CCZ1: variants seen among roughly 807,000 people sequenced by gnomAD.
CCZ1 encodes CCZ1 vacuolar protein trafficking and biogenesis associated.
A neutral mutation model predicts 57.8 loss-of-function variants in CCZ1; 19 were observed. That is an observed-to-expected ratio of 0.33 (90% CI 0.23 to 0.48). The LOEUF (loss-of-function observed/expected upper bound fraction) is 0.48. CCZ1 is among the 20% of genes least tolerant of loss of function. The pLI is 0.99. For missense variants in CCZ1, 200 were observed against 492.0 expected (o/e 0.41, Z 5.61); for synonymous variants, 81 against 167.0 (o/e 0.49, Z 3.97).
chr7:5,901,722 T>C lies in CCZ1; in HGVS notation c.438+18T>C, dbSNP rs375548886. ...TGTACAAGGTAAGCGTGGCGTTCTT[T>C]CTCAACTCAGAGTCCAGCCACTTAC... On this transcript the variant is annotated intron_variant, in intron 5 of 14. Coordinates refer to ENST00000325974, the MANE Select transcript of CCZ1 (RefSeq NM_015622.6). 2.3e-5 allele frequency: 37 copies of C among 1,598,146 alleles called. 3 individuals are homozygous for C. The African/African-American group carries it at 3.4e-4, about 15-fold the overall frequency.
At chr7:5,907,422 C>T (rs1781857310) in intron 7 of CCZ1, among the ~76,000 whole-genome samples, 1 of 149,092 alleles carries the variant, frequency 6.7e-6, no homozygotes, top group African/African-American at 2.5e-5. Context: ...AGCCAGAATC[C>T]AGCAGTAGTG....
intron 9 of CCZ1, among the ~76,000 whole-genome samples, chr7:5,912,378 T>G (rs1277077988): frequency 1.9e-4 from 1 of 5,130 alleles, no homozygotes; most frequent in East Asian, 0.05. Context: ...CAGCATACCC[T>G]TTTTTTTTTT....
intron 9 of CCZ1, 71 bp from the exon 10 acceptor site, chr7:5,912,772 G>A (rs1441589599): frequency 9.1e-7 from 1 of 1,099,002 alleles, no homozygotes; most frequent in Non-Finnish European, 1.4e-6. Context: ...AAGTGGGAGT[G>A]TGTTCTGTTT....
chr7:5,923,059 C>T (rs1422708070), intron 12 of CCZ1, among the ~76,000 whole-genome samples: 6 of 128,344 alleles, frequency 4.7e-5, no homozygotes, highest in East Asian at 2.3e-4. Context: ...GGGCTCACGC[C>T]TGTAATCCCT....
chr7:5,907,614 G>A (rs997389476), intron 7 of CCZ1, among the ~76,000 whole-genome samples: 5 of 145,962 alleles, frequency 3.4e-5, no homozygotes, highest in Non-Finnish European at 7.4e-5. Context: ...AGCAGGGTTG[G>A]CCCTTTGAAG....
At chr7:5,919,179 G>GT in intron 11 of CCZ1, 1 of 486,798 alleles carries the variant, frequency 2.1e-6, no homozygotes, top group South Asian at 2.2e-5. Context: ...GTTTAGACAG[G>GT]GTCTCACTAT....
intron 14 of CCZ1, among the ~76,000 whole-genome samples, chr7:5,924,501 T>C (rs1408317971): frequency 1.0e-5 from 1 of 100,232 alleles, no homozygotes; most frequent in East Asian, 2.2e-4. Flanking sequence ...CCCAAAGAGC[T>C]GGGATTACAG....
At chr7:5,920,164 A>AGCTGGG (rs1205634303) in intron 12 of CCZ1, among the ~76,000 whole-genome samples, 198 bp downstream of exon 12, 2 of 126,132 alleles carry the variant, frequency 1.6e-5, no homozygotes, top group African/African-American at 6.0e-5. Flanking sequence ...CCACGCTGGC[A>AGCTGGG]GCTGGGGCTG....
At chr7:5,900,441 T>C (rs556314773) in intron 2 of CCZ1, 32 bp from the exon 3 acceptor site, 34 of 1,587,378 alleles carry the variant, frequency 2.1e-5, no homozygotes, top group Non-Finnish European at 2.6e-5. Context: ...TGCTGGAGAA[T>C]TGTCCCAAAC....
chr7:5,910,882 C>A lies in CCZ1; in HGVS notation c.780+766C>A, dbSNP rs1442532652. Among the ~76,000 whole-genome samples, 20 of 147,176 alleles carry A rather than the reference C, an allele frequency of 1.4e-4. 2 individuals carry two copies. Among genetic ancestry groups the A allele is most frequent in the Non-Finnish European group, 3.0e-4 (20 of 67,478 alleles). ...TCCCGAGTAGCTGAGATTATAGGCA[C>A]CTGCCACCATGCCCGGCTAATTTTT... On this transcript the variant is annotated intron_variant, in intron 8 of 14. Transcript: ENST00000325974.
At chr7:5,901,476 C>G (rs1418978374) in intron 4 of CCZ1, 181 bp from the exon 5 acceptor site, 23 of 1,012,300 alleles carry the variant, frequency 2.3e-5, no homozygotes, top group African/African-American at 3.8e-5. Context: ...CAGAGCGAGA[C>G]TCCATCTCAA....
chr7:5,908,925 G>A lies in CCZ1; in HGVS notation c.699-1110G>A, dbSNP rs929120049. Reference sequence around the variant, plus strand: ...ATCCATGTACATTTCTGAGACCTAGGATCACGTTCCCTGTCTACAGCATAC... The same window carrying A: ...ATCCATGTACATTTCTGAGACCTAGAATCACGTTCCCTGTCTACAGCATAC... On this transcript the variant is annotated intron_variant, in intron 7 of 14. Transcript: ENST00000325974. Among the ~76,000 whole-genome samples, 77 of 147,224 alleles carry A rather than the reference G, an allele frequency of 5.2e-4. 1 individual carries two copies. The highest frequency in any genetic ancestry group is 6.8e-3 in the Middle Eastern group (2 of 292).
chr7:5,901,685 A>G lies in CCZ1; in HGVS notation c.419A>G (p.Gln140Arg). The G allele has an allele frequency of 1.9e-6, 3 of 1,598,960 alleles. No individual in the cohort carries two copies. Among genetic ancestry groups the G allele is most frequent in the Non-Finnish European group, 2.5e-6 (3 of 1,176,948 alleles). ...AAGGTTTATAGCTCGGTGCTGCGGC[A>G]GTGCTACAGCATGTACAAGGTAAGC... is the stretch of plus-strand genomic sequence containing the variant. ...LDKVYSSVLR[Q>R]CYSMYKLFNG... The change falls in exon 5 of 15, where the codon CAG becomes CGG. Residue 140 changes from glutamine to arginine, a missense_variant. Physicochemically the swap from Gln to Arg is conservative, Grantham distance 43. Around this residue, in one of 5 missense-constraint regions of CCZ1, gnomAD observed 128 missense variants for 178.4 expected, o/e 0.72. Transcript: ENST00000325974.
At chr7:5,910,471 T>C (rs3944101) in intron 8 of CCZ1, among the ~76,000 whole-genome samples, 132,142 of 147,504 alleles carry the variant, frequency 0.9, 59,855 homozygotes, top group Middle Eastern at 0.98. Flanking sequence ...GGATTACAGG[T>C]GCCTGCCACC....
intron 7 of CCZ1, among the ~76,000 whole-genome samples, chr7:5,907,773 A>G (rs1354814625): frequency 5.1e-5 from 6 of 118,728 alleles, no homozygotes; most frequent in Admixed American, 8.8e-5. Context: ...TCGTGGGGAA[A>G]GGTCAGTCCC....
At chr7:5,909,067 C>T (rs534944634) in intron 7 of CCZ1, among the ~76,000 whole-genome samples, 1,598 of 145,316 alleles carry the variant, frequency 0.011, 47 homozygotes, top group Middle Eastern at 0.067. Flanking sequence ...CCTGCATAAT[C>T]CTACACGGAA....
At chr7:5,907,515 G>A (rs1193318742) in intron 7 of CCZ1, among the ~76,000 whole-genome samples, 1 of 147,492 alleles carries the variant, frequency 6.8e-6, no homozygotes, top group African/African-American at 2.5e-5. Flanking sequence ...CGCCATGGGT[G>A]CAAACTCCTG....
At chr7:5,912,242 T>C (rs1378996469) in intron 9 of CCZ1, among the ~76,000 whole-genome samples, 1 of 130,104 alleles carries the variant, frequency 7.7e-6, no homozygotes, top group Non-Finnish European at 1.6e-5. Context: ...ACAGGTGTGA[T>C]CCACCATGCG....
intron 8 of CCZ1, among the ~76,000 whole-genome samples, chr7:5,911,583 C>T (rs1199765747): frequency 6.7e-6 from 1 of 149,088 alleles, no homozygotes; most frequent in Admixed American, 6.6e-5. Flanking sequence ...GCATGAGCCA[C>T]CTCACCTGGC....
Sources: allele counts gnomAD v4.1 joint callset (sites outside exome capture counted in the v4.1 genomes callset), GRCh38; gene constraint gnomAD v4.1.1; regional missense constraint gnomAD v4.1.1; transcripts MANE v1.5; gene names NCBI Gene and HGNC (gene_info 2026-07-23, HGNC 2026-07-21).